Variants in ESCO2 observed in about 807,000 individuals in gnomAD.
The protein encoded by ESCO2 is establishment of sister chromatid cohesion N-acetyltransferase 2, also known as N-acetyltransferase ESCO2.
A neutral mutation model predicts 61.7 loss-of-function variants in ESCO2; 51 were observed. That is an observed-to-expected ratio of 0.83 (90% CI 0.66 to 1.04). The LOEUF is 1.04. ESCO2 is among the 50% of genes least tolerant of loss of function. ESCO2 has a pLI of 0.00. For missense variants in ESCO2, 692 were observed against 686.2 expected, an observed-to-expected ratio of 1.01 and a Z score of -0.09; for synonymous variants, 230 against 238.2, an observed-to-expected ratio of 0.97 and a Z score of 0.32.
At chr8:27,772,347 C>A (rs1021913373), upstream of ESCO2, among the ~76,000 whole-genome samples, 2 of 152,224 alleles carry the variant, frequency 1.3e-5, no homozygotes, top group Non-Finnish European at 2.9e-5. Flanking sequence ...GGAAATCCTG[C>A]AGCCGTGGGA....
chr8:27,778,877 G>A (rs1030149485), intron 3 of ESCO2: 1 of 152,214 alleles, frequency 6.6e-6, no homozygotes, highest in Non-Finnish European at 1.5e-5. Context: ...AAATACCCAT[G>A]TCTGGGATTC....
rs1348656873 is a variant in ESCO2 at position 27,796,139 on chromosome 8, TTTTCTG to T, written c.1497+3334_1497+3339del. Among the ~76,000 whole-genome samples, 8 of 152,010 alleles carry T rather than the reference TTTTCTG, an allele frequency of 5.3e-5. No homozygotes were observed. The East Asian group carries it at 1.5e-3, about 29-fold the overall frequency. On this transcript the variant is annotated intron_variant, in intron 9 of 10. Transcript: ENST00000305188. The stretch of plus-strand genomic sequence containing the variant: ...TCTCCTTTTTATTGGTTAGTTTAGA[TTTTCTG>T]TTTCTTCATGATTTGGTATAGGTAG...
rs985785713 is a variant in ESCO2 at position 27,804,167 on chromosome 8, G to A, written c.*729G>A. ...ATAAGATTATCCCATATGCATTTCT[G>A]TAGAGCAGAATTTGATAGCTTAGTG... On this transcript the variant is annotated 3_prime_UTR_variant, in exon 11 of 11. Transcript: ENST00000305188. 2.0e-6 allele frequency: 2 copies of A among 985,206 alleles called. No individual in the cohort carries two copies. Among genetic ancestry groups the A allele is most frequent in the African/African-American group, 3.5e-5 (2 of 57,224 alleles). 61.0% of individuals were successfully genotyped at this position (985,206 alleles called of 1,614,324 possible).
chr8:27,786,233 A>G (rs1286466602), intron 5 of ESCO2, among the ~76,000 whole-genome samples: 3 of 152,236 alleles, frequency 2.0e-5, no homozygotes, highest in East Asian at 1.9e-4. Flanking sequence ...AGACAAAGAC[A>G]AAAGGATCTT....
chr8:27,790,713 G>C (rs909407847), intron 7 of ESCO2, among the ~76,000 whole-genome samples: 5 of 152,072 alleles, frequency 3.3e-5, no homozygotes, highest in African/African-American at 1.2e-4. Context: ...ATTTTTTCAA[G>C]ACATAGTGTT....
rs56062620 is a variant in ESCO2, at chr8:27,803,549, T to TACACACAC, written c.*122_*129dup. ...TAAAAAATACCGAGACTCACACTCA[T>TACACACAC]ACACACACACACACACACGCACACA... On this transcript the variant is annotated 3_prime_UTR_variant, in exon 11 of 11. Coordinates refer to ENST00000305188, the MANE Select transcript of ESCO2 (RefSeq NM_001017420.3). 31,099 of 1,320,714 alleles carry TACACACAC rather than the reference T, an allele frequency of 0.024. 449 individuals are homozygous for TACACACAC. Among genetic ancestry groups the TACACACAC allele is most frequent in the East Asian group, 0.063 (2,096 of 33,460 alleles). 81.8% of individuals were successfully genotyped at this position (1,320,714 alleles called of 1,614,324 possible).
rs1805524757 is a variant in ESCO2 at position 27,804,752 on chromosome 8, T to C, written c.*1314T>C. 1.0e-6 allele frequency: 1 copy of C among 984,168 alleles called. No homozygotes were observed. Among genetic ancestry groups the C allele is most frequent in the South Asian group, 4.7e-5 (1 of 21,270 alleles). 61.0% of individuals were successfully genotyped at this position (984,168 alleles called of 1,614,324 possible). A position where few individuals can be genotyped will look rare whatever the true frequency, so the allele number is the denominator to read the frequency against. On this transcript the variant is annotated 3_prime_UTR_variant, in exon 11 of 11. Transcript: ENST00000305188. ...AAAAGCCTGGGTCCCCAAAAGAATG[T>C]GGAAGTATTAAAATGTATGTAATTA...
upstream of ESCO2, chr8:27,772,671 G>C (rs1804677795): frequency 2.4e-6 from 2 of 818,764 alleles, no homozygotes; most frequent in Admixed American, 2.9e-5. Context: ...ACGTCGGGGC[G>C]CGTCATAACG....
upstream of ESCO2, chr8:27,773,716 G>C (rs1013670463): frequency 2.6e-5 from 4 of 152,026 alleles, no homozygotes. Context: ...CCTGCTCAAG[G>C]ATGACATACA....
chr8:27,810,893 A>T (rs564263174), downstream of ESCO2: 2 of 1,075,060 alleles, frequency 1.9e-6, no homozygotes, highest in African/African-American at 3.2e-5. Context: ...TTAGAAAGAT[A>T]AAATTATATA....
chr8:27,816,942 C>T (rs191795482), downstream of ESCO2, among the ~76,000 whole-genome samples: 5 of 152,102 alleles, frequency 3.3e-5, no homozygotes, highest in African/African-American at 9.6e-5. Flanking sequence ...ATAGTCTGTT[C>T]TGCTACAATG....
In ESCO2 at chr8:27,783,949, A is replaced by G. The variant is rs138021116; in HGVS notation, c.956-51A>G. ...TAACCTTTGAAATCTTATGAATTAA[A>G]GCTTTGATTTTATTTGGTAATACAC... On this transcript the variant is annotated intron_variant, in intron 4 of 10. Coordinates refer to ENST00000305188, the MANE Select transcript of ESCO2 (RefSeq NM_001017420.3). The G allele has an allele frequency of 0.022, 31,839 of 1,459,232 alleles. 552 individuals carry two copies. The highest frequency in any genetic ancestry group is 0.064 in the South Asian group (5,603 of 87,786). The allele number at this position is 1,459,232 out of a possible 1,614,324, so 90.4% of individuals were successfully genotyped here.
downstream of ESCO2, among the ~76,000 whole-genome samples, chr8:27,817,130 G>A (rs183256928): frequency 9.4e-4 from 143 of 152,220 alleles, no homozygotes; most frequent in Non-Finnish European, 1.7e-3. Context: ...AAAGCTGTGA[G>A]TGAGTCCAGG....
chr8:27,803,283 A>T, intron 10 of ESCO2, 23 bp from the exon 11 acceptor site: 1 of 1,609,918 alleles, frequency 6.2e-7, no homozygotes, highest in African/African-American at 1.3e-5. Context: ...TCCATCATTA[A>T]ATCATCTTTT....
At chr8:27,814,530 T>G (rs879314369), downstream of ESCO2, among the ~76,000 whole-genome samples, 5 of 152,146 alleles carry the variant, frequency 3.3e-5, no homozygotes, top group Non-Finnish European at 5.9e-5. Flanking sequence ...TGATTTCTGC[T>G]CATAGCTTTA....
downstream of ESCO2, among the ~76,000 whole-genome samples, chr8:27,813,164 T>G (rs1310622218): frequency 6.6e-6 from 1 of 152,206 alleles, no homozygotes; most frequent in Non-Finnish European, 1.5e-5. Context: ...TCATATCCTT[T>G]GCAGGGACAT....
chr8:27,819,568 C>G, the ESCO2 span, among the ~76,000 whole-genome samples: 1 of 151,932 alleles, frequency 6.6e-6, no homozygotes, highest in Non-Finnish European at 1.5e-5. Context: ...AGGAATATCA[C>G]CTATTAGACT....
At chr8:27,786,414 G>GC (rs1436505228) in intron 5 of ESCO2, among the ~76,000 whole-genome samples, 9 of 152,120 alleles carry the variant, frequency 5.9e-5, no homozygotes, top group Admixed American at 5.9e-4. Flanking sequence ...ATAGATAATC[G>GC]CAAGAAACAC....
At chr8:27,809,437 C>T (rs1001596949), downstream of ESCO2, among the ~76,000 whole-genome samples, 1 of 152,078 alleles carries the variant, frequency 6.6e-6, no homozygotes, top group Non-Finnish European at 1.5e-5. Flanking sequence ...TGTAGGTATA[C>T]CACCTACATT....
Sources: allele counts gnomAD v4.1 joint callset (sites outside exome capture counted in the v4.1 genomes callset), GRCh38; gene constraint gnomAD v4.1.1; transcripts MANE v1.5; gene names NCBI Gene and HGNC (gene_info 2026-07-23, HGNC 2026-07-21).